Variants in CTRC observed in about 807,000 individuals in gnomAD.
CTRC encodes the protein chymotrypsin-C.
Under a neutral mutation model 35.7 loss-of-function variants are expected in CTRC, and 32 were observed. That is an observed-to-expected ratio of 0.90 (90% CI 0.68 to 1.20). The LOEUF (loss-of-function observed/expected upper bound fraction) is 1.20. CTRC is among the 50% of genes most tolerant of loss of function. The pLI is 0.00. For synonymous variants in CTRC, 119 were observed against 149.5 expected (o/e 0.80, Z 1.49); for missense variants, 324 against 361.5 (o/e 0.90, Z 0.84).
At chr1:15,438,576 G>T in intron 1 of CTRC, 72 bp downstream of exon 1, 1 of 1,538,932 alleles carries the variant, frequency 6.5e-7, no homozygotes, top group Non-Finnish European at 9.0e-7. Flanking sequence ...GGACGGGATG[G>T]GGAGTGGGGG....
rs540753875 is a variant in CTRC at position 15,445,735 on chromosome 1, G to T, written c.778G>T (p.Asp260Tyr). The change falls in exon 7 of 8, where the codon GAC becomes TAC. Residue 260 changes from aspartate (D) to tyrosine (Y), a missense_variant. By Grantham distance (160) the Asp-to-Tyr change is radical (BLOSUM62 -3). Coordinates refer to ENST00000375949, the MANE Select transcript of CTRC (RefSeq NM_007272.3). Reference sequence around the variant, plus strand: ...CTACACCCGGGTGTCCGCCTACATCGACTGGATCAACGAGGTGGGTGCTGC... The same window carrying T: ...CTACACCCGGGTGTCCGCCTACATCTACTGGATCAACGAGGTGGGTGCTGC... ...VVYTRVSAYIDWINEKMQL is the reference protein window; with the variant it reads ...VVYTRVSAYIYWINEKMQL 6 of 1,613,990 alleles carry T rather than the reference G, an allele frequency of 3.7e-6. No homozygotes were observed. The highest frequency in any genetic ancestry group is 5.1e-6 in the Non-Finnish European group (6 of 1,180,032).
chr1:15,443,641 C>T (rs1219185986), intron 5 of CTRC, 86 bp downstream of exon 5: 3 of 1,533,026 alleles, frequency 2.0e-6, no homozygotes, highest in African/African-American at 1.4e-5. Context: ...TGCCTTTTTG[C>T]CTTCACATTT....
In CTRC at chr1:15,443,415, C is replaced by T; in HGVS notation, c.357-4C>T. ...CCACTCACCCTCTCCACTTTGGATT[C>T]CAGCAATGATATTGCCCTCATCAAG... On this transcript the variant is annotated splice_polypyrimidine_tract_variant and splice_region_variant and intron_variant, in intron 4 of 7. Coordinates refer to ENST00000375949, the MANE Select transcript of CTRC (RefSeq NM_007272.3). 2 of 1,614,228 alleles carry T rather than the reference C, an allele frequency of 1.2e-6. No individual in the cohort carries two copies. The highest frequency in any genetic ancestry group is 1.7e-6 in the Non-Finnish European group (2 of 1,180,048).
At position 15,443,444 on chromosome 1, in the gene CTRC, G is replaced by A. The variant is rs779378073; in HGVS notation, c.382G>A (p.Ala128Thr). The part of the protein sequence containing the change: ...LRNDIALIKL[A>T]EHVELSDTIQ... ...CAATGATATTGCCCTCATCAAGCTT[G>A]CAGAGCATGTGGAGCTGAGTGACAC... Residue 128 changes from alanine (A) to threonine (T), a missense_variant, in exon 5 of 8, where the codon GCA (alanine) becomes ACA (threonine). Coordinates refer to ENST00000375949, the MANE Select transcript of CTRC (RefSeq NM_007272.3). The A allele has an allele frequency of 1.9e-6, 3 of 1,614,200 alleles. No homozygotes were observed. In the Admixed American group the frequency reaches 5.0e-5, roughly 27 times the overall value.
chr1:15,441,933 G>A (rs1708138994), intron 3 of CTRC, among the ~76,000 whole-genome samples: 2 of 151,952 alleles, frequency 1.3e-5, no homozygotes, highest in Admixed American at 1.3e-4. Flanking sequence ...GTAGAGATGG[G>A]GATTTGCCAT....
intron 1 of CTRC, 74 bp from the exon 2 acceptor site, chr1:15,440,226 G>GGGGCCCCCCCCCCCCCC: frequency 1.9e-6 from 1 of 523,580 alleles, no homozygotes; most frequent in Non-Finnish European, 3.7e-6. Flanking sequence ...TCTTCCACCT[G>GGGGCCCCCCCCCCCCCC]CCCACCCTCC....
Position 15,445,793 on chromosome 1 carries a change from C to CCCCCTCACTCACCCAT in CTRC, c.792+56_792+71dup, listed in dbSNP as rs555727973. 2.1e-4 allele frequency: 330 copies of CCCCCTCACTCACCCAT among 1,609,734 alleles called. 3 individuals carry two copies. The East Asian group carries it at 6.4e-3, about 31-fold the overall frequency. ...GCTGTCCCTGCACCTGTCAGCCCCT[C>CCCCCTCACTCACCCAT]CCCCTCACTCACCCATCCCCTCACT... On this transcript the variant is annotated intron_variant, in intron 7 of 7. Transcript: ENST00000375949.
intron 6 of CTRC, among the ~76,000 whole-genome samples, chr1:15,445,208 C>T (rs951593633): frequency 9.9e-5 from 15 of 152,138 alleles, no homozygotes; most frequent in Admixed American, 4.6e-4. Context: ...AAACACACAA[C>T]CCTCTCCCCA....
chr1:15,444,871 C>T, intron 6 of CTRC, 120 bp downstream of exon 6: 1 of 1,313,782 alleles, frequency 7.6e-7, no homozygotes, highest in Admixed American at 1.9e-5. Flanking sequence ...CCTGGCTGGG[C>T]CCAGCAGGCT....
intron 1 of CTRC, among the ~76,000 whole-genome samples, chr1:15,439,540 G>T (rs1391699520): frequency 6.6e-6 from 1 of 152,142 alleles, no homozygotes; most frequent in Non-Finnish European, 1.5e-5. Flanking sequence ...ACATCACATG[G>T]CAGGTTAGTG....
At chr1:15,440,465 A>G in intron 2 of CTRC, 28 bp from the exon 3 acceptor site, 1 of 1,612,732 alleles carries the variant, frequency 6.2e-7, no homozygotes, top group Non-Finnish European at 8.5e-7. Context: ...CTGCAGGCTG[A>G]CACACAGCCC....
chr1:15,438,464 C>T lies in CTRC; in HGVS notation c.-1C>T, dbSNP rs1195152458. 1.5e-5 allele frequency: 25 copies of T among 1,614,044 alleles called. No homozygotes were observed. In the South Asian group the frequency reaches 2.7e-4, roughly 18 times the overall value. On this transcript the variant is annotated 5_prime_UTR_variant, in exon 1 of 8. Coordinates refer to ENST00000375949, the MANE Select transcript of CTRC (RefSeq NM_007272.3). The stretch of plus-strand genomic sequence containing the variant: ...GGTCAGCCAGTCCTGAGCACCTAAC[C>T]ATGTTGGGCATCACTGTCCTCGCTG...
At chr1:15,446,027 T>C (rs527722814) in intron 7 of CTRC, among the ~76,000 whole-genome samples, 1 of 152,380 alleles carries the variant, frequency 6.6e-6, no homozygotes, top group East Asian at 1.9e-4. Context: ...TGCATTTATT[T>C]ACTCATTCAT....
At chr1:15,440,741 G>A (rs1708120508) in intron 3 of CTRC, 151 bp downstream of exon 3, 6 of 721,268 alleles carry the variant, frequency 8.3e-6, no homozygotes, top group Admixed American at 6.1e-5. Context: ...AGTCAGTCAA[G>A]TATTCATTGT....
chr1:15,440,071 T>C (rs888766397), intron 1 of CTRC, among the ~76,000 whole-genome samples: 1 of 152,150 alleles, frequency 6.6e-6, no homozygotes, highest in Non-Finnish European at 1.5e-5. Flanking sequence ...TGTTGTCTAA[T>C]TCAGTTCTCA....
In CTRC at chr1:15,440,672, C is replaced by T. The variant is rs79256239; in HGVS notation, c.230+82C>T. On this transcript the variant is annotated intron_variant, in intron 3 of 7. Transcript: ENST00000375949. The stretch of plus-strand genomic sequence containing the variant: ...CTCTGCTTTTTCTGAGCAGCTTCTC[C>T]GCACTCCAGGCACTGGGCTACATAA... 2,024 of 1,251,842 alleles carry T rather than the reference C, an allele frequency of 1.6e-3. 34 individuals carry two copies. In the African/African-American group the frequency reaches 0.026, roughly 16 times the overall value. 77.5% of individuals were successfully genotyped at this position (1,251,842 alleles called of 1,614,324 possible). A position where few individuals can be genotyped will look rare whatever the true frequency, so the allele number is the denominator to read the frequency against.
Position 15,448,831 on chromosome 1 carries a change from G to T in CTRC, c.*2242G>T, listed in dbSNP as rs1327789109. ...TTCTTTTGTGTATGTCTTTATATTG[G>T]GGGTTATAAATGCTAAATGCTTGCT... is the stretch of plus-strand genomic sequence containing the variant. On this transcript the variant is annotated 3_prime_UTR_variant, in exon 8 of 8. Coordinates refer to ENST00000375949, the MANE Select transcript of CTRC (RefSeq NM_007272.3). The T allele has an allele frequency of 6.6e-6, 1 of 152,098 alleles. No homozygotes were observed. Among genetic ancestry groups the T allele is most frequent in the Non-Finnish European group, 1.5e-5 (1 of 68,028 alleles). The allele number at this position is 152,098 out of a possible 1,614,324, so 9.4% of individuals were successfully genotyped here. A position where few individuals can be genotyped will look rare whatever the true frequency, so the allele number is the denominator to read the frequency against.
At chr1:15,439,423 C>CAA (rs35524971) in intron 1 of CTRC, among the ~76,000 whole-genome samples, 4 of 110,908 alleles carry the variant, frequency 3.6e-5, no homozygotes, top group East Asian at 2.8e-4. Flanking sequence ...AACTCCGTCT[C>CAA]AAAAAAAAAA....
intron 1 of CTRC, 66 bp downstream of exon 1, chr1:15,438,570 G>T: frequency 6.3e-7 from 1 of 1,580,180 alleles, no homozygotes; most frequent in South Asian, 1.1e-5. Flanking sequence ...GGGCAAGGAC[G>T]GGATGGGGAG....
Sources: allele counts gnomAD v4.1 joint callset (sites outside exome capture counted in the v4.1 genomes callset), GRCh38; gene constraint gnomAD v4.1.1; transcripts MANE v1.5; gene names NCBI Gene and HGNC (gene_info 2026-07-23, HGNC 2026-07-21).